The following PLEKHA5 variants were observed in gnomAD, a reference collection of about 807,000 sequenced individuals.
PLEKHA5 encodes pleckstrin homology domain-containing family A member 5.
PLEKHA5 carries 55 observed loss-of-function variants against 181.9 expected under a neutral mutation model. The ratio of observed to expected loss-of-function variants is 0.30; its 90% CI spans 0.24 to 0.38. The LOEUF (loss-of-function observed/expected upper bound fraction) is 0.38, where lower values mean the gene tolerates loss of function less well. PLEKHA5 is among the 10% of genes least tolerant of loss of function. The pLI is 1.00. For missense variants in PLEKHA5, 1,432 were observed against 1,549.5 expected (o/e 0.92, Z 1.27); for synonymous variants, 535 against 529.4 (o/e 1.01, Z -0.15).
chr12:19,198,934 GT>G (rs893170150), intron 3 of PLEKHA5, among the ~76,000 whole-genome samples: 1 of 151,912 alleles, frequency 6.6e-6, no homozygotes, highest in Admixed American at 6.6e-5. Context: ...GTATGGTTTT[GT>G]TTTTTTGTTT....
chr12:19,170,178 CTT>C (rs1170294768), intron 3 of PLEKHA5, among the ~76,000 whole-genome samples: 1 of 152,190 alleles, frequency 6.6e-6, no homozygotes, highest in Non-Finnish European at 1.5e-5. Context: ...AAATGCCTCT[CTT>C]ACCTATTTTC....
chr12:19,291,933 G>T (rs905660430), intron 15 of PLEKHA5, among the ~76,000 whole-genome samples: 3 of 152,168 alleles, frequency 2.0e-5, no homozygotes, highest in African/African-American at 7.2e-5. Context: ...GAAATTGAGG[G>T]CCTAAATTCT....
chr12:19,311,024 A>C (rs1592440437), intron 15 of PLEKHA5, among the ~76,000 whole-genome samples: 2 of 152,118 alleles, frequency 1.3e-5, no homozygotes, highest in African/African-American at 4.8e-5. Flanking sequence ...GCAGTTCCTT[A>C]AAATAAGACA....
intron 15 of PLEKHA5, among the ~76,000 whole-genome samples, chr12:19,302,905 AATTTTTTTTTTTTTTTTTTT>A (rs1427499889): frequency 5.6e-5 from 6 of 106,606 alleles, no homozygotes; most frequent in Admixed American, 2.3e-4. Flanking sequence ...TTCTGTATGA[AATTTTTTTTTTTTTTTTTTT>A]TTTTTTTTTT....
rs1421985261 is a variant in PLEKHA5 at position 19,287,454 on chromosome 12, T to C, written c.1780-19T>C. The C allele has an allele frequency of 6.5e-7, 1 of 1,531,784 alleles. No individual in the cohort carries two copies. Among genetic ancestry groups the C allele is most frequent in the South Asian group, 1.2e-5 (1 of 85,636 alleles). 94.9% of individuals were successfully genotyped at this position (1,531,784 alleles called of 1,614,324 possible). On this transcript the variant is annotated intron_variant, in intron 12 of 31. Coordinates refer to ENST00000429027, the MANE Select transcript of PLEKHA5 (RefSeq NM_001256470.2). ...AAAAAACTTTACCACAGAATTACAT[T>C]GTGCCTTTACTTTCCTAGCATGTCT...
chr12:19,162,480 A>G (rs1591866184), intron 3 of PLEKHA5, among the ~76,000 whole-genome samples: 1 of 152,058 alleles, frequency 6.6e-6, no homozygotes. Context: ...GATAGCATTT[A>G]CCTTGTACCC....
At chr12:19,246,298 G>T (rs930881603) in intron 3 of PLEKHA5, among the ~76,000 whole-genome samples, 2 of 150,464 alleles carry the variant, frequency 1.3e-5, no homozygotes, top group African/African-American at 2.4e-5. Flanking sequence ...TTATATATAT[G>T]TAACATTACT....
At chr12:19,200,922 A>ATT (rs2054042385) in intron 3 of PLEKHA5, 1 of 151,802 alleles carries the variant, frequency 6.6e-6, no homozygotes, top group Non-Finnish European at 1.5e-5. Context: ...GAAAAAAGAG[A>ATT]TTATTTGTGA....
chr12:19,216,584 A>G (rs1377643835), intron 3 of PLEKHA5, among the ~76,000 whole-genome samples: 1 of 151,176 alleles, frequency 6.6e-6, no homozygotes, highest in Non-Finnish European at 1.5e-5. Context: ...AATTGCTTGA[A>G]CCTGGGAGGT....
At chr12:19,232,267 A>G (rs1160321056) in intron 3 of PLEKHA5, among the ~76,000 whole-genome samples, 1 of 152,112 alleles carries the variant, frequency 6.6e-6, no homozygotes. Flanking sequence ...TGTTCCTAAT[A>G]TGTAGTACTG....
intron 29 of PLEKHA5, among the ~76,000 whole-genome samples, chr12:19,363,132 T>G (rs1263888908): frequency 7.1e-6 from 1 of 141,020 alleles, no homozygotes; most frequent in Non-Finnish European, 1.6e-5. Flanking sequence ...GTTTTTTTTT[T>G]GTTGTTGTTT....
At chr12:19,173,241 T>C (rs1286828579) in intron 3 of PLEKHA5, among the ~76,000 whole-genome samples, 1 of 151,078 alleles carries the variant, frequency 6.6e-6, no homozygotes, top group Non-Finnish European at 1.5e-5. Context: ...GCCAGGATGG[T>C]CTCGATCTCC....
intron 3 of PLEKHA5, among the ~76,000 whole-genome samples, chr12:19,197,463 A>G (rs2053095482): frequency 6.6e-6 from 1 of 151,724 alleles, no homozygotes; most frequent in Non-Finnish European, 1.5e-5. Context: ...CTCCTCTTTA[A>G]TTTCACTACG....
intron 26 of PLEKHA5, among the ~76,000 whole-genome samples, chr12:19,355,285 A>G (rs1191625992): frequency 6.6e-6 from 1 of 150,634 alleles, no homozygotes; most frequent in African/African-American, 2.4e-5. Flanking sequence ...CCTATTTGGT[A>G]TGAGATAATT....
intron 20 of PLEKHA5, among the ~76,000 whole-genome samples, chr12:19,330,344 G>A (rs1330329709): frequency 1.3e-5 from 2 of 152,084 alleles, no homozygotes; most frequent in Non-Finnish European, 2.9e-5. Flanking sequence ...TTATAATTGT[G>A]GCTGATAGTT....
intron 3 of PLEKHA5, among the ~76,000 whole-genome samples, chr12:19,242,710 T>G (rs2062896626): frequency 6.6e-6 from 1 of 152,212 alleles, no homozygotes; most frequent in African/African-American, 2.4e-5. Flanking sequence ...TTAATGTCTA[T>G]AATAATGGTT....
At chr12:19,266,699 G>A (rs991786170) in intron 8 of PLEKHA5, among the ~76,000 whole-genome samples, 3 of 152,076 alleles carry the variant, frequency 2.0e-5, no homozygotes, top group East Asian at 1.9e-4. Context: ...TGGGAGGATC[G>A]CTTGAGCCCT....
At chr12:19,190,311 A>C (rs1293872836) in intron 3 of PLEKHA5, among the ~76,000 whole-genome samples, 1 of 152,246 alleles carries the variant, frequency 6.6e-6, no homozygotes, top group Non-Finnish European at 1.5e-5. Context: ...AAGTAAATGA[A>C]TTATCAGTTG....
chr12:19,349,545 A>G (rs746502338), intron 25 of PLEKHA5, among the ~76,000 whole-genome samples: 2 of 151,984 alleles, frequency 1.3e-5, no homozygotes, highest in Non-Finnish European at 2.9e-5. Context: ...TTTTTTTCTT[A>G]ATGCTGGTCA....
Sources: gnomAD v4.1 joint callset for allele counts (sites outside exome capture counted in the v4.1 genomes callset) on GRCh38, gnomAD v4.1.1 for gene constraint, MANE v1.5 for transcripts, NCBI Gene and HGNC (gene_info 2026-07-23, HGNC 2026-07-21) for gene names.